The following INVS variants were observed in gnomAD, a reference collection of about 807,000 sequenced individuals.
INVS encodes inversion of embryo turning homolog.
Under a neutral mutation model 108.8 loss-of-function variants are expected in INVS, and 86 were observed. That is an observed-to-expected ratio of 0.79 (90% confidence interval 0.66 to 0.95). INVS has a LOEUF of 0.95. Ranked by LOEUF, INVS falls within the 40% of genes least tolerant of loss-of-function variation. The pLI is 0.00. For missense variants in INVS, 1,169 were observed against 1,297.4 expected (o/e 0.90, Z 1.52); for synonymous variants, 455 against 473.5 (o/e 0.96, Z 0.51).
At position 100,130,995 on chromosome 9, in the gene INVS, T is replaced by G. The variant is rs1412812898; in HGVS notation, c.273+4446T>G. The G allele has an allele frequency of 2.0e-5, 3 of 152,330 alleles. No homozygotes were observed. The East Asian group carries it at 5.8e-4, about 29-fold the overall frequency. 9.4% of individuals were successfully genotyped at this position (152,330 alleles called of 1,614,324 possible). A position where few individuals can be genotyped will look rare whatever the true frequency, so the allele number is the denominator to read the frequency against. On this transcript the variant is annotated intron_variant, in intron 3 of 16. Coordinates refer to ENST00000262457, the MANE Select transcript of INVS (RefSeq NM_014425.5). ...AAACATTCTCATACATTATTTATTATGTTTCTAGTTTTTGTGTGTGTGTGA... is the reference window on the plus strand; with the variant it reads ...AAACATTCTCATACATTATTTATTAGGTTTCTAGTTTTTGTGTGTGTGTGA...
chr9:100,148,171 C>T (rs1828686698), intron 3 of INVS, among the ~76,000 whole-genome samples: 1 of 151,784 alleles, frequency 6.6e-6, no homozygotes, highest in Admixed American at 6.6e-5. Context: ...GAGACCGTGT[C>T]TCTAAAAAAA....
chr9:100,261,750 A>T (rs1330370644), intron 10 of INVS, among the ~76,000 whole-genome samples: 1 of 152,134 alleles, frequency 6.6e-6, no homozygotes, highest in African/African-American at 2.4e-5. Flanking sequence ...CTTCATTTCC[A>T]ATCTTTATAC....
intron 2 of INVS, among the ~76,000 whole-genome samples, chr9:100,121,876 G>C (rs1827735102): frequency 6.6e-6 from 1 of 152,066 alleles, no homozygotes; most frequent in South Asian, 2.1e-4. Context: ...CATGTGTGGT[G>C]CAAGAACCTT....
intron 7 of INVS, among the ~76,000 whole-genome samples, chr9:100,244,414 G>T (rs569734498): frequency 6.6e-6 from 1 of 152,118 alleles, no homozygotes; most frequent in South Asian, 2.1e-4. Context: ...ACAAAACAAG[G>T]TTCCATGAGA....
At chr9:100,224,904 G>A (rs1008855825) in intron 3 of INVS, among the ~76,000 whole-genome samples, 2 of 150,102 alleles carry the variant, frequency 1.3e-5, no homozygotes, top group East Asian at 2.0e-4. Flanking sequence ...ATGAGCCACC[G>A]CACCCGGCCT....
chr9:100,238,467 A>G (rs1831760271), intron 5 of INVS, among the ~76,000 whole-genome samples: 1 of 152,184 alleles, frequency 6.6e-6, no homozygotes, highest in Middle Eastern at 3.2e-3. Context: ...TTTGGTATAC[A>G]TTCTGATTAT....
chr9:100,292,870 T>C lies in INVS; in HGVS notation c.2613T>C (p.Phe871=), dbSNP rs1343295524. The part of the protein sequence containing the change: ...RLETSTLSED[F]QVSKETDPAP... ...AGACATCTACCCTGTCCGAGGACTT[T>C]CAGGTATCTAAGGAGACTGATCCAG... Residue 871 remains phenylalanine (F), a synonymous_variant, in exon 14 of 17, where the codon TTT becomes TTC. Coordinates refer to ENST00000262457, the MANE Select transcript of INVS (RefSeq NM_014425.5). The C allele has an allele frequency of 1.2e-6, 2 of 1,614,162 alleles. No individual in the cohort carries two copies. Among genetic ancestry groups the C allele is most frequent in the East Asian group, 4.5e-5 (2 of 44,864 alleles).
At chr9:100,156,257 CT>C (rs931919205) in intron 3 of INVS, among the ~76,000 whole-genome samples, 1,486 of 124,712 alleles carry the variant, frequency 0.012, 6 homozygotes, top group Middle Eastern at 0.017. Flanking sequence ...GTTAGGAATA[CT>C]TTTTTTTTTT....
intron 5 of INVS, among the ~76,000 whole-genome samples, chr9:100,238,669 C>T (rs1831768179): frequency 6.6e-6 from 1 of 152,148 alleles, no homozygotes; most frequent in South Asian, 2.1e-4. Context: ...TAGGTAATGA[C>T]ATCAGATCTG....
chr9:100,152,535 G>A (rs1828839746), intron 3 of INVS, among the ~76,000 whole-genome samples: 1 of 152,126 alleles, frequency 6.6e-6, no homozygotes, highest in African/African-American at 2.4e-5. Context: ...TCAGCCTCTT[G>A]AAAAATTTTG....
chr9:100,170,466 T>C (rs1829502138), intron 3 of INVS, among the ~76,000 whole-genome samples: 1 of 151,764 alleles, frequency 6.6e-6, no homozygotes, highest in African/African-American at 2.4e-5. Context: ...CTTGGGAGGC[T>C]GAGAGGGAGG....
chr9:100,241,599 C>T (rs1831875061), intron 6 of INVS, among the ~76,000 whole-genome samples: 1 of 152,070 alleles, frequency 6.6e-6, no homozygotes, highest in South Asian at 2.1e-4. Flanking sequence ...TTTCACTTTC[C>T]TATAGTATGT....
rs561044940 is a variant in INVS, at chr9:100,117,790, C to T, written c.107-8593C>T. On this transcript the variant is annotated intron_variant, in intron 2 of 16. Transcript: ENST00000262457. ...AAAATTCATATGTTTGAAACCCTAA[C>T]CCTCAATGTGATGATATTAGGAGGC... 6 of 478,210 alleles carry T rather than the reference C, an allele frequency of 1.3e-5. No homozygotes were observed. The South Asian group carries it at 2.3e-4, about 18-fold the overall frequency. 29.6% of individuals were successfully genotyped at this position (478,210 alleles called of 1,614,324 possible).
At chr9:100,238,995 A>G (rs767628341) in intron 5 of INVS, among the ~76,000 whole-genome samples, 1 of 152,238 alleles carries the variant, frequency 6.6e-6, no homozygotes, top group Non-Finnish European at 1.5e-5. Flanking sequence ...ATACCAAATG[A>G]TTAATTTCTG....
chr9:100,206,464 T>C (rs1830679727), intron 3 of INVS, among the ~76,000 whole-genome samples: 1 of 152,156 alleles, frequency 6.6e-6, no homozygotes, highest in African/African-American at 2.4e-5. Context: ...ATTCCTCAAA[T>C]GTGCACATTT....
chr9:100,180,344 GT>G (rs143374251), intron 3 of INVS, among the ~76,000 whole-genome samples: 77,482 of 150,792 alleles, frequency 0.51, 20,970 homozygotes, highest in African/African-American at 0.62. Context: ...CCAGGAGCTG[GT>G]TTTTTTTTAA....
chr9:100,206,135 G>A (rs528068772), intron 3 of INVS, among the ~76,000 whole-genome samples: 3 of 152,036 alleles, frequency 2.0e-5, no homozygotes, highest in Non-Finnish European at 4.4e-5. Flanking sequence ...CAAGAATACT[G>A]TGAATATTAA....
chr9:100,261,405 A>G (rs1832618517), intron 10 of INVS, among the ~76,000 whole-genome samples: 1 of 151,696 alleles, frequency 6.6e-6, no homozygotes, highest in Non-Finnish European at 1.5e-5. Context: ...AGCTGGGACT[A>G]CAGGTACCTG....
chr9:100,217,269 A>T (rs1018852773), intron 3 of INVS, among the ~76,000 whole-genome samples: 1 of 152,152 alleles, frequency 6.6e-6, no homozygotes, highest in African/African-American at 2.4e-5. Context: ...AGATCGCGCC[A>T]CTGCACTCCA....
Sources: gnomAD v4.1 joint callset for allele counts (sites outside exome capture counted in the v4.1 genomes callset) on GRCh38, gnomAD v4.1.1 for gene constraint, MANE v1.5 for transcripts, NCBI Gene and HGNC (gene_info 2026-07-23, HGNC 2026-07-21) for gene names.